AKAP6: variants seen among roughly 807,000 people sequenced by gnomAD.
The protein encoded by AKAP6 is A-kinase anchor protein 6.
In AKAP6, 58 loss-of-function variants were observed where a neutral mutation model predicts 188.5. That is an observed-to-expected ratio of 0.31 (90% CI 0.25 to 0.38). The LOEUF (loss-of-function observed/expected upper bound fraction) is 0.38. Among genes scored for constraint, AKAP6 ranks in the 10% least tolerant of loss-of-function variants. AKAP6 has a pLI of 1.00. For synonymous variants in AKAP6, 989 were observed against 998.6 expected (o/e 0.99, Z 0.18); for missense variants, 2,710 against 2,740.0 (o/e 0.99, Z 0.24).
intron 7 of AKAP6, among the ~76,000 whole-genome samples, chr14:32,674,644 T>C (rs1889353464): frequency 6.6e-6 from 1 of 152,058 alleles, no homozygotes. Context: ...ACAGAAAGGT[T>C]TGGGGGATGT....
At chr14:32,532,765 G>T (rs1882479973) in intron 2 of AKAP6, among the ~76,000 whole-genome samples, 1 of 152,172 alleles carries the variant, frequency 6.6e-6, no homozygotes, top group African/African-American at 2.4e-5. Context: ...TAACAAATCT[G>T]AGTTATGAAT....
chr14:32,380,051 T>C (rs942029), intron 1 of AKAP6, among the ~76,000 whole-genome samples: 97,636 of 152,104 alleles, frequency 0.64, 32,835 homozygotes, highest in Middle Eastern at 0.74. Context: ...CTTCTTCACA[T>C]TTGAAGCTCT....
chr14:32,641,879 A>T (rs1276872105), intron 7 of AKAP6, among the ~76,000 whole-genome samples: 1 of 152,144 alleles, frequency 6.6e-6, no homozygotes, highest in Non-Finnish European at 1.5e-5. Context: ...GAAAAAAATG[A>T]ATATTCTTAT....
rs757141643 is a variant in AKAP6, at chr14:32,823,875, C to T, written c.6062C>T (p.Ala2021Val). The T allele has an allele frequency of 3.1e-6, 5 of 1,613,764 alleles. No individual in the cohort carries two copies. The South Asian group carries it at 5.5e-5, about 18-fold the overall frequency. ...GGAAAATCTGCTGGTTGTTGCCTAG[C>T]ACTTGAACAAAACGGAACAGAGGAA... The part of the protein sequence containing the change: ...MAGKSAGCCL[A>V]LEQNGTEENA... Residue 2021 changes from alanine to valine, a missense_variant, in exon 13 of 14, where the codon GCA (alanine) becomes GTA (valine). Around this residue, in one of 2 missense-constraint regions of AKAP6, gnomAD observed 2,473 missense variants for 2,426.1 expected, o/e 1.02. Transcript: ENST00000280979.
chr14:32,636,721 C>T (rs918863575), intron 7 of AKAP6, among the ~76,000 whole-genome samples: 5 of 152,104 alleles, frequency 3.3e-5, no homozygotes, highest in Admixed American at 6.6e-5. Flanking sequence ...CAGCATGACA[C>T]TAGCAGGAAA....
chr14:32,540,162 CTCTCTCTA>C (rs1436907567), intron 3 of AKAP6, among the ~76,000 whole-genome samples: 551 of 105,140 alleles, frequency 5.2e-3, no homozygotes, highest in Non-Finnish European at 7.4e-3. Context: ...CTCTCTCTCT[CTCTCTCTA>C]TATATATATA....
intron 9 of AKAP6, among the ~76,000 whole-genome samples, chr14:32,729,231 G>A (rs534392460): frequency 1.3e-5 from 2 of 152,084 alleles, no homozygotes; most frequent in African/African-American, 4.8e-5. Context: ...TCAAGGCATT[G>A]TTCCAGTCTC....
Position 32,755,460 on chromosome 14 carries a change from TTTTG to T in AKAP6, c.3373-18214_3373-18211del, listed in dbSNP as rs1448881825. 2.0e-5 allele frequency among the ~76,000 whole-genome samples: 3 copies of T among 152,012 alleles called. No individual in the cohort carries two copies. In the South Asian group the frequency reaches 6.2e-4, roughly 32 times the overall value. ...GTTTGTTAGTTTTGTTAGTTGTTTG[TTTTG>T]TTTAGTTGTTTATTTGTGTTCTCTT... On this transcript the variant is annotated intron_variant, in intron 11 of 13. Coordinates refer to ENST00000280979, the MANE Select transcript of AKAP6 (RefSeq NM_004274.5).
At chr14:32,343,656 G>A (rs918976155) in intron 1 of AKAP6, among the ~76,000 whole-genome samples, 46 of 144,738 alleles carry the variant, frequency 3.2e-4, no homozygotes, top group Admixed American at 3.1e-3. Context: ...GCTGAGGCAG[G>A]AGAATGGCGT....
At chr14:32,657,687 G>A (rs1307733289) in intron 7 of AKAP6, among the ~76,000 whole-genome samples, 3 of 151,702 alleles carry the variant, frequency 2.0e-5, no homozygotes, top group Non-Finnish European at 2.9e-5. Context: ...CTTTTTCTGT[G>A]AGTGTACATG....
At position 32,697,591 on chromosome 14, in the gene AKAP6, G is replaced by A. The variant is rs147574504; in HGVS notation, c.3000+1481G>A. Among the ~76,000 whole-genome samples the A allele has an allele frequency of 3.7e-3, 568 of 152,154 alleles. 2 individuals are homozygous for A. The highest frequency in any genetic ancestry group is 0.012 in the African/African-American group (516 of 41,522). On this transcript the variant is annotated intron_variant, in intron 9 of 13. Coordinates refer to ENST00000280979, the MANE Select transcript of AKAP6 (RefSeq NM_004274.5). ...TTAAGTATTAAGAATTGAGCCAAAT[G>A]GGAAAAATATAAAAGGTTACCTAAC...
intron 11 of AKAP6, among the ~76,000 whole-genome samples, chr14:32,744,915 A>T (rs902116582): frequency 6.6e-6 from 1 of 152,102 alleles, no homozygotes; most frequent in Admixed American, 6.5e-5. Flanking sequence ...ATTCTTCAGT[A>T]TGCCAACTGC....
At chr14:32,791,660 A>C (rs990634850) in intron 12 of AKAP6, among the ~76,000 whole-genome samples, 5 of 152,044 alleles carry the variant, frequency 3.3e-5, no homozygotes, top group Non-Finnish European at 5.9e-5. Flanking sequence ...TTTTGTTGCA[A>C]TTGCTTTTGG....
rs74472717 is a variant in AKAP6 at position 32,828,668 on chromosome 14, C to A, written c.*43-1180C>A. ...GATTACCTAGAGAGAATTTAAATGC[C>A]AGCATTTAGTAAGACCAGATTTGCC... On this transcript the variant is annotated intron_variant, in intron 13 of 13. Coordinates refer to ENST00000280979, the MANE Select transcript of AKAP6 (RefSeq NM_004274.5). Among the ~76,000 whole-genome samples the A allele has an allele frequency of 1.5e-4, 23 of 152,282 alleles. No individual in the cohort carries two copies. The East Asian group carries it at 4.4e-3, about 29-fold the overall frequency.
At chr14:32,766,580 A>G (rs2032726102) in intron 11 of AKAP6, among the ~76,000 whole-genome samples, 1 of 152,056 alleles carries the variant, frequency 6.6e-6, no homozygotes, top group Non-Finnish European at 1.5e-5. Flanking sequence ...TTACATTTGC[A>G]TTTATCTGAT....
intron 2 of AKAP6, among the ~76,000 whole-genome samples, chr14:32,488,009 G>A (rs537357110): frequency 6.6e-6 from 1 of 152,328 alleles, no homozygotes; most frequent in Admixed American, 6.5e-5. Flanking sequence ...TTGGGGTCAG[G>A]GACCCACTTG....
intron 4 of AKAP6, among the ~76,000 whole-genome samples, chr14:32,571,693 T>C (rs1164626940): frequency 2.6e-5 from 4 of 152,146 alleles, no homozygotes; most frequent in African/African-American, 7.2e-5. Context: ...ACTCTGAGGA[T>C]GAATACACAC....
intron 9 of AKAP6, among the ~76,000 whole-genome samples, chr14:32,721,706 A>C (rs1341379698): frequency 6.6e-6 from 1 of 152,142 alleles, no homozygotes; most frequent in Non-Finnish European, 1.5e-5. Context: ...TTTCTGCATG[A>C]GAATCTTGTT....
intron 11 of AKAP6, among the ~76,000 whole-genome samples, chr14:32,750,634 A>G (rs2891219): frequency 0.62 from 93,399 of 151,818 alleles, 31,872 homozygotes; most frequent in Non-Finnish European, 0.75. Flanking sequence ...AGGAGGCTGA[A>G]GTGAGAAGAT....
Sources: allele counts gnomAD v4.1 joint callset (sites outside exome capture counted in the v4.1 genomes callset), GRCh38; gene constraint gnomAD v4.1.1; regional missense constraint gnomAD v4.1.1; transcripts MANE v1.5; gene names NCBI Gene and HGNC (gene_info 2026-07-23, HGNC 2026-07-21).